Variants in NARS2 observed in about 807,000 individuals in gnomAD.
NARS2 encodes asparaginyl-tRNA synthetase.
Under a neutral mutation model 62.9 loss-of-function variants are expected in NARS2, and 60 were observed. The observed-to-expected ratio is 0.95, with a 90% confidence interval of 0.77 to 1.18. NARS2 has a LOEUF of 1.18. Among genes scored for constraint, NARS2 ranks in the 50% most tolerant of loss-of-function variants. The pLI, the probability that NARS2 is intolerant of heterozygous loss-of-function variation, is 0.00. For synonymous variants in NARS2, 196 were observed against 200.0 expected (o/e 0.98, Z 0.17); for missense variants, 619 against 576.4 (o/e 1.07, Z -0.76).
chr11:78,508,487 G>C (rs1860587152), intron 6 of NARS2, among the ~76,000 whole-genome samples: 1 of 151,624 alleles, frequency 6.6e-6, no homozygotes. Context: ...TACTCAAGAG[G>C]CTAAGGCAGG....
intron 7 of NARS2, among the ~76,000 whole-genome samples, chr11:78,484,834 A>C (rs985700443): frequency 9.2e-5 from 14 of 152,220 alleles, no homozygotes; most frequent in Admixed American, 9.2e-4. Flanking sequence ...GCAATTTCTC[A>C]AGAATCTAGA....
intron 5 of NARS2, among the ~76,000 whole-genome samples, chr11:78,551,093 C>T (rs1441170776): frequency 3.3e-5 from 5 of 152,142 alleles, no homozygotes; most frequent in Non-Finnish European, 7.4e-5. Flanking sequence ...CTACTGGGTA[C>T]AGTTTATTTT....
At chr11:78,516,122 G>A (rs7111648) in intron 6 of NARS2, among the ~76,000 whole-genome samples, 2,244 of 152,308 alleles carry the variant, frequency 0.015, 55 homozygotes, top group African/African-American at 0.051. Flanking sequence ...GGGCAGAAAA[G>A]CTACAGTTTT....
chr11:78,556,146 AT>A (rs202147483), intron 5 of NARS2, among the ~76,000 whole-genome samples: 1,638 of 152,214 alleles, frequency 0.011, 32 homozygotes, highest in African/African-American at 0.039. Flanking sequence ...AAGAATGTAT[AT>A]TGTCTATGCC....
chr11:78,450,786 T>C (rs895947899), intron 11 of NARS2, among the ~76,000 whole-genome samples: 1 of 150,446 alleles, frequency 6.6e-6, no homozygotes, highest in Non-Finnish European at 1.5e-5. Flanking sequence ...GTGATTCTCC[T>C]GCCTCAGCCT....
chr11:78,546,807 A>C (rs1457915923), intron 5 of NARS2, among the ~76,000 whole-genome samples: 1 of 152,232 alleles, frequency 6.6e-6, no homozygotes, highest in East Asian at 1.9e-4. Flanking sequence ...ACGGAACTAT[A>C]AACAAGGATC....
At position 78,574,404 on chromosome 11, in the gene NARS2, TCA is replaced by T; in HGVS notation, c.83_84del (p.Leu28GlnfsTer17). The T allele has an allele frequency of 6.2e-7, 1 of 1,614,044 alleles. No individual in the cohort carries two copies. Among genetic ancestry groups the T allele is most frequent in the Non-Finnish European group, 8.5e-7 (1 of 1,179,998 alleles). The stretch of plus-strand genomic sequence containing the variant: ...TGAGCCCCGAGAGCGTCCCGCACGC[TCA>T]GTTTGGCTGAAGGTTTGTGCTTGGG... ...PFPKHKPSAK[L>X]SVRDALGAQN... is the part of the protein sequence containing the mutation. On this transcript the variant is annotated frameshift_variant, in exon 1 of 14. Coordinates refer to ENST00000281038, the MANE Select transcript of NARS2 (RefSeq NM_024678.6). LOFTEE classifies it high-confidence loss of function.
intron 11 of NARS2, among the ~76,000 whole-genome samples, chr11:78,452,607 A>G (rs577314149): frequency 4.0e-5 from 6 of 151,836 alleles, no homozygotes; most frequent in Admixed American, 2.6e-4. Flanking sequence ...CAGGGTCTCA[A>G]TTTGTTGCCC....
chr11:78,469,962 C>G (rs769955767), intron 9 of NARS2, among the ~76,000 whole-genome samples: 3 of 152,024 alleles, frequency 2.0e-5, no homozygotes, highest in Non-Finnish European at 2.9e-5. Flanking sequence ...AGGAAATGAA[C>G]CATAGAAGTA....
chr11:78,469,944 A>C (rs911976249), intron 9 of NARS2, among the ~76,000 whole-genome samples: 1 of 152,218 alleles, frequency 6.6e-6, no homozygotes, highest in Non-Finnish European at 1.5e-5. Flanking sequence ...AGAAGCGTGC[A>C]CCGAGTAAGG....
At chr11:78,478,805 C>T (rs1227356059) in intron 7 of NARS2, 122 bp from the exon 8 acceptor site, 2 of 488,376 alleles carry the variant, frequency 4.1e-6, no homozygotes, top group East Asian at 6.8e-5. Flanking sequence ...GTCTTTTAAT[C>T]CTTGAATGTA....
rs1193160852 is a variant in NARS2 at position 78,436,717 on chromosome 11, T to C, written c.1387A>G (p.Lys463Glu). The stretch of plus-strand genomic sequence containing the variant: ...AACCTTGGGAAAGGGATAACATCTT[T>C]GATATTGTCAACACCCAAGATGCAC... ...LQCILGVDNIKDVIPFPRFPH... is the reference protein window; with the variant it reads ...LQCILGVDNIEDVIPFPRFPH... Residue 463 changes from lysine to glutamate, a missense_variant, in exon 14 of 14, where the codon AAA (lysine) becomes GAA (glutamate). Coordinates refer to ENST00000281038, the MANE Select transcript of NARS2 (RefSeq NM_024678.6). 3.1e-6 allele frequency: 5 copies of C among 1,614,204 alleles called. No individual in the cohort carries two copies. Among genetic ancestry groups the C allele is most frequent in the Non-Finnish European group, 4.2e-6 (5 of 1,180,036 alleles).
At chr11:78,507,740 C>T (rs1201030702) in intron 6 of NARS2, among the ~76,000 whole-genome samples, 5 of 151,958 alleles carry the variant, frequency 3.3e-5, no homozygotes, top group African/African-American at 1.2e-4. Flanking sequence ...AGGATGGTCT[C>T]GATCTCCTGA....
intron 5 of NARS2, among the ~76,000 whole-genome samples, chr11:78,556,220 A>C (rs1856347842): frequency 6.6e-6 from 1 of 152,202 alleles, no homozygotes; most frequent in South Asian, 2.1e-4. Flanking sequence ...TCCCTAAGGT[A>C]CAGTCAGGTC....
intron 9 of NARS2, among the ~76,000 whole-genome samples, chr11:78,477,253 A>G (rs770353066): frequency 3.9e-5 from 6 of 152,130 alleles, no homozygotes; most frequent in Non-Finnish European, 8.8e-5. Context: ...CTGTCTTATA[A>G]AACTCCAGAC....
intron 11 of NARS2, among the ~76,000 whole-genome samples, chr11:78,458,672 C>T (rs1307170052): frequency 6.6e-6 from 1 of 152,190 alleles, no homozygotes; most frequent in Non-Finnish European, 1.5e-5. Context: ...TTCATTAATC[C>T]ATTCATCCAT....
intron 5 of NARS2, among the ~76,000 whole-genome samples, chr11:78,548,791 T>A (rs535763737): frequency 6.6e-6 from 1 of 151,886 alleles, no homozygotes; most frequent in Admixed American, 6.6e-5. Flanking sequence ...AAATGTTATT[T>A]AAAAAAAAAT....
At position 78,474,244 on chromosome 11, in the gene NARS2, AG is replaced by A. The variant is rs1211644616; in HGVS notation, c.959+4193del. 2.0e-5 allele frequency among the ~76,000 whole-genome samples: 3 copies of A among 152,214 alleles called. No individual in the cohort carries two copies. In the East Asian group the frequency reaches 5.8e-4, roughly 29 times the overall value. ...AAGGCAGAGTATTTTTTTATAGATG[AG>A]GAAACTGAAGTTCAGAAAAGTTAAA... On this transcript the variant is annotated intron_variant, in intron 9 of 13. Coordinates refer to ENST00000281038, the MANE Select transcript of NARS2 (RefSeq NM_024678.6).
rs1404376309 is a variant in NARS2, at chr11:78,469,258, A to G, written c.1015T>C (p.Phe339Leu). The change falls in exon 10 of 14, where the codon TTT (phenylalanine) becomes CTT (leucine). Residue 339 changes from phenylalanine (F) to leucine (L), a missense_variant. Transcript: ENST00000281038. ...ILKQASQNFTFTPEWGADLRT... is the reference protein window; with the variant it reads ...ILKQASQNFTLTPEWGADLRT... ...ACACAAAATACTACCTCTGGGGTAA[A>G]GGTGAAGTTCTGGGATGCTTGCTTT... The G allele has an allele frequency of 1.2e-6, 2 of 1,610,648 alleles. No homozygotes were observed. Among genetic ancestry groups the G allele is most frequent in the Admixed American group, 1.7e-5 (1 of 60,018 alleles).
Sources: allele counts gnomAD v4.1 joint callset (sites outside exome capture counted in the v4.1 genomes callset), GRCh38; gene constraint gnomAD v4.1.1; transcripts MANE v1.5; gene names NCBI Gene and HGNC (gene_info 2026-07-23, HGNC 2026-07-21).